GLRA3: variants seen among roughly 807,000 people sequenced by gnomAD.
GLRA3 encodes glycine receptor subunit alpha-3.
Under a neutral mutation model 60.4 loss-of-function variants are expected in GLRA3, and 44 were observed. That is an observed-to-expected ratio of 0.73 (90% CI 0.57 to 0.94). The LOEUF (loss-of-function observed/expected upper bound fraction) is 0.94, where lower values mean the gene tolerates loss of function less well. Among genes scored for constraint, GLRA3 ranks in the 40% least tolerant of loss-of-function variants. The pLI is 0.00. For missense variants in GLRA3, 508 were observed against 564.6 expected (o/e 0.90, Z 1.02); for synonymous variants, 223 against 192.9 (o/e 1.16, Z -1.29).
At chr4:174,812,713 G>A (rs1740320172) in intron 1 of GLRA3, among the ~76,000 whole-genome samples, 1 of 152,066 alleles carries the variant, frequency 6.6e-6, no homozygotes, top group Non-Finnish European at 1.5e-5. Flanking sequence ...AGAGAGCAAA[G>A]TTTAGCAAGA....
At chr4:174,665,128 G>A (rs911355256) in intron 7 of GLRA3, among the ~76,000 whole-genome samples, 4 of 151,952 alleles carry the variant, frequency 2.6e-5, no homozygotes, top group Non-Finnish European at 5.9e-5. Flanking sequence ...ACCACCTTAT[G>A]CCAGTTTCTT....
intron 5 of GLRA3, among the ~76,000 whole-genome samples, chr4:174,704,683 G>T (rs1735451376): frequency 7.0e-6 from 1 of 143,806 alleles, no homozygotes; most frequent in Non-Finnish European, 1.5e-5. Flanking sequence ...GCCAAAATAT[G>T]AAAGTAACCC....
intron 1 of GLRA3, among the ~76,000 whole-genome samples, chr4:174,823,489 C>T (rs1740831808): frequency 6.6e-6 from 1 of 152,006 alleles, no homozygotes; most frequent in Admixed American, 6.6e-5. Context: ...TGCACCACTG[C>T]ACTCCAGCCT....
intron 2 of GLRA3, among the ~76,000 whole-genome samples, chr4:174,772,822 T>C (rs1344410131): frequency 6.6e-6 from 1 of 152,078 alleles, no homozygotes; most frequent in Non-Finnish European, 1.5e-5. Context: ...AACAGAAATT[T>C]ATGATAATAG....
Position 174,643,901 on chromosome 4 carries a change from T to A in GLRA3, c.1280A>T (p.Lys427Met). The A allele has an allele frequency of 6.2e-7, 1 of 1,614,158 alleles. No homozygotes were observed. Among genetic ancestry groups the A allele is most frequent in the Non-Finnish European group, 8.5e-7 (1 of 1,180,008 alleles). The change falls in exon 10 of 10, where the codon AAG becomes ATG. Residue 427 changes from lysine to methionine, a missense_variant. Coordinates refer to ENST00000274093, the MANE Select transcript of GLRA3 (RefSeq NM_006529.4). ...MRKVFIDRAK[K>M]IDTISRACFP... ...GCAGGCTCGGGAGATGGTATCAATC[T>A]TCTTGGCCCGGTCGATAAAGACCTT...
At chr4:174,820,395 A>G (rs1036141249) in intron 1 of GLRA3, among the ~76,000 whole-genome samples, 3 of 152,156 alleles carry the variant, frequency 2.0e-5, no homozygotes, top group African/African-American at 7.2e-5. Context: ...GCTTCATGAC[A>G]GAAATTAGTG....
In GLRA3 at chr4:174,642,264, G is replaced by T; in HGVS notation, c.*1522C>A. The T allele has an allele frequency of 1.1e-6, 1 of 937,528 alleles. No individual in the cohort carries two copies. Among genetic ancestry groups the T allele is most frequent in the Non-Finnish European group, 1.3e-6 (1 of 786,540 alleles). The allele number at this position is 937,528 out of a possible 1,614,324, so 58.1% of individuals were successfully genotyped here. ...TTTTGCTTTTAATTTGAAAGTGGTT[G>T]AAGGGTAGAAAATAGCATCTTGTTA... On this transcript the variant is annotated 3_prime_UTR_variant, in exon 10 of 10. Coordinates refer to ENST00000274093, the MANE Select transcript of GLRA3 (RefSeq NM_006529.4).
rs1347496650 is a variant in GLRA3, at chr4:174,827,626, T to A, written c.71+1115A>T. On this transcript the variant is annotated intron_variant, in intron 1 of 9. Transcript: ENST00000274093. ...TTATTGAAAATACTTTGGTTAAAAA[T>A]AGTTCAACTTCTTATTTTGGGAAAA... 2.0e-5 allele frequency among the ~76,000 whole-genome samples: 3 copies of A among 152,044 alleles called. No homozygotes were observed. The East Asian group carries it at 5.8e-4, about 29-fold the overall frequency.
intron 5 of GLRA3, among the ~76,000 whole-genome samples, chr4:174,695,524 G>A (rs542061287): frequency 7.1e-4 from 108 of 152,016 alleles, no homozygotes; most frequent in African/African-American, 1.9e-3. Context: ...GAAAGCTTTT[G>A]ATAAAATTCA....
At chr4:174,756,855 G>T (rs1387111625) in intron 3 of GLRA3, among the ~76,000 whole-genome samples, 2 of 152,098 alleles carry the variant, frequency 1.3e-5, no homozygotes, top group African/African-American at 4.8e-5. Flanking sequence ...CCCCATGTTA[G>T]CCAGGATGGT....
At chr4:174,765,943 CT>C (rs34228405) in intron 3 of GLRA3, among the ~76,000 whole-genome samples, 25,529 of 147,294 alleles carry the variant, frequency 0.17, 2,805 homozygotes, top group Middle Eastern at 0.25. Flanking sequence ...AGGGAAACAG[CT>C]TTTTTTTTTT....
At chr4:174,787,834 A>C (rs1216011283) in intron 2 of GLRA3, among the ~76,000 whole-genome samples, 1 of 152,074 alleles carries the variant, frequency 6.6e-6, no homozygotes, top group Non-Finnish European at 1.5e-5. Flanking sequence ...TTAAAATTGA[A>C]GCCATTCATA....
chr4:174,784,925 G>A (rs538580322), intron 2 of GLRA3, among the ~76,000 whole-genome samples: 1 of 152,168 alleles, frequency 6.6e-6, no homozygotes, highest in South Asian at 2.1e-4. Flanking sequence ...TACTATTCTG[G>A]AGGGGAAGAG....
At chr4:174,649,835 G>GT (rs150482409) in intron 9 of GLRA3, among the ~76,000 whole-genome samples, 1,704 of 151,562 alleles carry the variant, frequency 0.011, 32 homozygotes, top group African/African-American at 0.039. Flanking sequence ...AGTCTCATTG[G>GT]TAAAAAAAAA....
intron 4 of GLRA3, among the ~76,000 whole-genome samples, chr4:174,727,790 A>G (rs1409749511): frequency 2.0e-5 from 3 of 152,128 alleles, no homozygotes; most frequent in Non-Finnish European, 4.4e-5. Flanking sequence ...TTATTATTCA[A>G]TATTGGGTTT....
chr4:174,659,233 C>G (rs937937888), intron 7 of GLRA3, 36 bp from the exon 8 acceptor site: 2 of 1,544,424 alleles, frequency 1.3e-6, no homozygotes, highest in Admixed American at 1.8e-5. Context: ...AGCAAATTCA[C>G]TTATATTGTT....
At chr4:174,692,334 C>T (rs1191763084) in intron 5 of GLRA3, among the ~76,000 whole-genome samples, 1 of 146,794 alleles carries the variant, frequency 6.8e-6, no homozygotes, top group Admixed American at 6.8e-5. Flanking sequence ...CAGCCCCCCG[C>T]TCGGCCAGCC....
At chr4:174,791,738 T>G (rs1739354136) in intron 1 of GLRA3, among the ~76,000 whole-genome samples, 1 of 152,184 alleles carries the variant, frequency 6.6e-6, no homozygotes, top group South Asian at 2.1e-4. Context: ...CTGTGTTTGG[T>G]CCATATATTT....
intron 7 of GLRA3, among the ~76,000 whole-genome samples, chr4:174,661,567 G>A (rs1733442436): frequency 6.6e-6 from 1 of 152,202 alleles, no homozygotes; most frequent in Admixed American, 6.5e-5. Flanking sequence ...GGAGGATTAT[G>A]GCTGGAGGCT....
Sources: allele counts gnomAD v4.1 joint callset (sites outside exome capture counted in the v4.1 genomes callset), GRCh38; gene constraint gnomAD v4.1.1; transcripts MANE v1.5; gene names NCBI Gene and HGNC (gene_info 2026-07-23, HGNC 2026-07-21).